The following KIF2A variants were observed in gnomAD, a reference collection of about 807,000 sequenced individuals.
KIF2A encodes kinesin family member 2A, also known as kinesin-like protein KIF2A.
A neutral mutation model predicts 100.2 loss-of-function variants in KIF2A; 22 were observed. The ratio of observed to expected loss-of-function variants is 0.22; its 90% CI spans 0.16 to 0.31. KIF2A has a LOEUF of 0.31. Ranked by LOEUF, KIF2A falls within the 10% of genes least tolerant of loss-of-function variation. The pLI is 1.00. For missense variants in KIF2A, 495 were observed against 898.7 expected (o/e 0.55, Z 5.74); for synonymous variants, 268 against 285.9 (o/e 0.94, Z 0.63).
At chr5:62,335,244 A>G (rs1198471512) in intron 1 of KIF2A, among the ~76,000 whole-genome samples, 2 of 152,188 alleles carry the variant, frequency 1.3e-5, no homozygotes, top group Admixed American at 6.5e-5. Context: ...AGTTGGGGCT[A>G]GGGCTAGAAG....
chr5:62,386,695 A>G lies in KIF2A; in HGVS notation c.*1126A>G, dbSNP rs950796921. Among the ~76,000 whole-genome samples the G allele has an allele frequency of 2.0e-5, 3 of 152,224 alleles. No homozygotes were observed. The highest frequency in any genetic ancestry group is 4.4e-5 in the Non-Finnish European group (3 of 68,026). ...TGCCTTAAAAGGCAGATCTAACCCA[A>G]GCTCCATCCAGTACCAAATGTGAAA... On this transcript the variant is annotated 3_prime_UTR_variant, in exon 21 of 21. Transcript: ENST00000407818.
intron 1 of KIF2A, among the ~76,000 whole-genome samples, chr5:62,326,525 A>G (rs1561252877): frequency 6.6e-6 from 1 of 151,258 alleles, no homozygotes; most frequent in Non-Finnish European, 1.5e-5. Flanking sequence ...CTGTGGACAC[A>G]TTTTTTCTGT....
At chr5:62,351,988 T>A (rs182420417) in intron 4 of KIF2A, among the ~76,000 whole-genome samples, 95 of 152,196 alleles carry the variant, frequency 6.2e-4, no homozygotes, top group East Asian at 5.4e-3. Context: ...ACCTCGTCTC[T>A]ACTAAAATTA....
chr5:62,333,018 T>C (rs1164304094), intron 1 of KIF2A, among the ~76,000 whole-genome samples: 1 of 152,232 alleles, frequency 6.6e-6, no homozygotes, highest in South Asian at 2.1e-4. Flanking sequence ...AGCATCATCC[T>C]ATACCTACAT....
intron 1 of KIF2A, among the ~76,000 whole-genome samples, chr5:62,344,660 A>G (rs986227235): frequency 1.3e-5 from 2 of 152,202 alleles, no homozygotes; most frequent in East Asian, 1.9e-4. Flanking sequence ...ATTCACACCT[A>G]TGTTCAGATA....
At chr5:62,335,415 C>T (rs1000806726) in intron 1 of KIF2A, among the ~76,000 whole-genome samples, 7 of 152,140 alleles carry the variant, frequency 4.6e-5, no homozygotes, top group South Asian at 2.1e-4. Context: ...CTAGTAGAGA[C>T]GCCACTCTGT....
chr5:62,374,586 A>G (rs1421835275), intron 18 of KIF2A, among the ~76,000 whole-genome samples: 1 of 152,204 alleles, frequency 6.6e-6, no homozygotes, highest in Non-Finnish European at 1.5e-5. Flanking sequence ...AATTTGGGAA[A>G]AATTTAAAGT....
Position 62,306,398 on chromosome 5 carries a change from A to T in KIF2A, c.-75A>T. Reference sequence around the variant, plus strand: ...GGCAACCGCTCCCCCTCCCACACCTACCCCGCCCCCTCCCCGCCTTTTCCG... The same window carrying T: ...GGCAACCGCTCCCCCTCCCACACCTTCCCCGCCCCCTCCCCGCCTTTTCCG... On this transcript the variant is annotated 5_prime_UTR_variant, in exon 1 of 21. Coordinates refer to ENST00000407818, the MANE Select transcript of KIF2A (RefSeq NM_001098511.3). The T allele has an allele frequency of 6.7e-6, 5 of 751,756 alleles. No homozygotes were observed. Among genetic ancestry groups the T allele is most frequent in the South Asian group, 3.7e-5 (2 of 53,708 alleles). 46.6% of individuals were successfully genotyped at this position (751,756 alleles called of 1,614,324 possible).
In KIF2A at chr5:62,377,652, T is replaced by C. The variant is rs765431653; in HGVS notation, c.1912-9T>C. The C allele has an allele frequency of 1.2e-5, 18 of 1,455,232 alleles. No individual in the cohort carries two copies. The highest frequency in any genetic ancestry group is 1.3e-5 in the Non-Finnish European group (14 of 1,072,562). The allele number at this position is 1,455,232 out of a possible 1,614,324, so 90.1% of individuals were successfully genotyped here. A position where few individuals can be genotyped will look rare whatever the true frequency, so the allele number is the denominator to read the frequency against. On this transcript the variant is annotated splice_polypyrimidine_tract_variant and intron_variant, in intron 18 of 20. Coordinates refer to ENST00000407818, the MANE Select transcript of KIF2A (RefSeq NM_001098511.3). ...TATATCATAATTTCTTAACTATTTT[T>C]ATTTTAAGGAAGAAGAAGTCTCTCC...
In KIF2A at chr5:62,306,270, C is replaced by G; in HGVS notation, c.-203C>G. The G allele has an allele frequency of 1.9e-6, 1 of 538,994 alleles. No homozygotes were observed. The allele number at this position is 538,994 out of a possible 1,614,324, so 33.4% of individuals were successfully genotyped here. A position where few individuals can be genotyped will look rare whatever the true frequency, so the allele number is the denominator to read the frequency against. On this transcript the variant is annotated 5_prime_UTR_variant, in exon 1 of 21. Transcript: ENST00000407818. ...CACCCCGACTACCCGGCGTGCGCGT[C>G]CTCCTGCCGGCCTGCAGGCCCGGGG... is the stretch of plus-strand genomic sequence containing the variant.
intron 1 of KIF2A, among the ~76,000 whole-genome samples, chr5:62,314,533 T>G (rs1252162490): frequency 6.6e-6 from 1 of 152,180 alleles, no homozygotes; most frequent in Non-Finnish European, 1.5e-5. Flanking sequence ...CTGGTGGTTA[T>G]GTGTAATTTG....
chr5:62,313,916 C>T (rs1270286535), intron 1 of KIF2A, among the ~76,000 whole-genome samples: 4 of 151,946 alleles, frequency 2.6e-5, no homozygotes, highest in African/African-American at 9.7e-5. Context: ...CTTAACTTCC[C>T]AAGTAGCTAG....
chr5:62,372,897 T>C (rs1741383620), intron 17 of KIF2A, among the ~76,000 whole-genome samples: 1 of 152,102 alleles, frequency 6.6e-6, no homozygotes, highest in Non-Finnish European at 1.5e-5. Context: ...TGCTGTATGA[T>C]CTTATAAGTT....
At chr5:62,371,991 C>A (rs1741346942) in intron 16 of KIF2A, among the ~76,000 whole-genome samples, 1 of 152,202 alleles carries the variant, frequency 6.6e-6, no homozygotes, top group East Asian at 1.9e-4. Context: ...TAATTCATTA[C>A]AAACAATGGA....
chr5:62,342,267 G>A (rs994454772), intron 1 of KIF2A, among the ~76,000 whole-genome samples: 1 of 152,112 alleles, frequency 6.6e-6, no homozygotes, highest in Non-Finnish European at 1.5e-5. Context: ...ATGCAGCAGC[G>A]GTAGGCTCCT....
rs1038611943 is a variant in KIF2A at position 62,386,432 on chromosome 5, G to A, written c.*863G>A. On this transcript the variant is annotated 3_prime_UTR_variant, in exon 21 of 21. Coordinates refer to ENST00000407818, the MANE Select transcript of KIF2A (RefSeq NM_001098511.3). ...ACATATATATGCAGTGTGTGTGCCA[G>A]TGTGGTATTAACAAGACTAATAGTG... 2 of 152,200 alleles carry A rather than the reference G, an allele frequency of 1.3e-5. No homozygotes were observed. The highest frequency in any genetic ancestry group is 2.9e-5 in the Non-Finnish European group (2 of 68,038). 9.4% of individuals were successfully genotyped at this position (152,200 alleles called of 1,614,324 possible). A position where few individuals can be genotyped will look rare whatever the true frequency, so the allele number is the denominator to read the frequency against.
chr5:62,374,973 G>A (rs1741478226), intron 18 of KIF2A, among the ~76,000 whole-genome samples: 1 of 152,082 alleles, frequency 6.6e-6, no homozygotes, highest in African/African-American at 2.4e-5. Flanking sequence ...GTGGACATAT[G>A]CATCTATATT....
chr5:62,371,774 C>CAT (rs1017235868), intron 16 of KIF2A, among the ~76,000 whole-genome samples: 1 of 152,142 alleles, frequency 6.6e-6, no homozygotes, highest in African/African-American at 2.4e-5. Context: ...TAAGGAATTA[C>CAT]ATAGATGGGG....
intron 16 of KIF2A, among the ~76,000 whole-genome samples, chr5:62,372,146 G>C (rs1177483556): frequency 5.3e-5 from 8 of 152,102 alleles, no homozygotes; most frequent in African/African-American, 1.9e-4. Flanking sequence ...GTAGTTAGGG[G>C]GGCATTTCAG....
Sources: gnomAD v4.1 joint callset for allele counts (sites outside exome capture counted in the v4.1 genomes callset) on GRCh38, gnomAD v4.1.1 for gene constraint, MANE v1.5 for transcripts, NCBI Gene and HGNC (gene_info 2026-07-23, HGNC 2026-07-21) for gene names.